The following TENM4 variants were observed in gnomAD, a reference collection of about 807,000 sequenced individuals.
The protein encoded by TENM4 is teneurin transmembrane protein 4.
Under a neutral mutation model 243.3 loss-of-function variants are expected in TENM4, and 82 were observed. The observed-to-expected ratio is 0.34, with a 90% confidence interval of 0.28 to 0.40. The LOEUF (loss-of-function observed/expected upper bound fraction) is 0.40. Ranked by LOEUF, TENM4 falls within the 10% of genes least tolerant of loss-of-function variation. The pLI is 1.00. For missense variants in TENM4, 3,138 were observed against 3,673.3 expected (o/e 0.85, Z 3.77); for synonymous variants, 1,412 against 1,456.3 (o/e 0.97, Z 0.69).
At position 78,876,994 on chromosome 11, in the gene TENM4, G is replaced by A. The variant is rs143700190; in HGVS notation, c.1084+12791C>T. On this transcript the variant is annotated intron_variant, in intron 9 of 33. Transcript: ENST00000278550. ...CTTTGCAGATGTTCTCTTGCTTAAT[G>A]CTCAAAACACCACTTAGATACTAAT... Among the ~76,000 whole-genome samples the A allele has an allele frequency of 3.9e-5, 6 of 152,304 alleles. No individual in the cohort carries two copies. The East Asian group carries it at 7.7e-4, about 20-fold the overall frequency.
At chr11:79,143,586 C>T (rs1164748489) in intron 4 of TENM4, among the ~76,000 whole-genome samples, 1 of 151,666 alleles carries the variant, frequency 6.6e-6, no homozygotes, top group African/African-American at 2.4e-5. Flanking sequence ...AAATGACGAG[C>T]TAATGGGTGC....
At chr11:79,391,989 C>G (rs1179172290) in intron 1 of TENM4, among the ~76,000 whole-genome samples, 1 of 152,070 alleles carries the variant, frequency 6.6e-6, no homozygotes, top group Non-Finnish European at 1.5e-5. Context: ...TTATTGGGAT[C>G]CAAGAAATAA....
chr11:79,252,652 G>A (rs564001), intron 2 of TENM4, among the ~76,000 whole-genome samples: 94,260 of 152,038 alleles, frequency 0.62, 30,588 homozygotes, highest in East Asian at 0.82. Flanking sequence ...CCTTCTCCTC[G>A]TGCCCTTTGC....
At chr11:79,107,541 G>A (rs547582280) in intron 4 of TENM4, among the ~76,000 whole-genome samples, 1 of 152,306 alleles carries the variant, frequency 6.6e-6, no homozygotes, top group Admixed American at 6.5e-5. Flanking sequence ...TTCCAACAGT[G>A]TCTCAATCAC....
intron 13 of TENM4, 127 bp from the exon 14 acceptor site, chr11:78,812,443 T>G: frequency 9.4e-7 from 1 of 1,064,514 alleles, no homozygotes; most frequent in Non-Finnish European, 1.4e-6. Flanking sequence ...CAAACACCCA[T>G]GTGTGCCCAT....
chr11:78,773,073 CAATT>C (rs1474802162), intron 17 of TENM4, among the ~76,000 whole-genome samples: 2 of 152,210 alleles, frequency 1.3e-5, no homozygotes, highest in Admixed American at 6.5e-5. Flanking sequence ...CTTTTTTCCT[CAATT>C]AGTCTCATGT....
chr11:78,926,077 G>T (rs1856545991), intron 6 of TENM4, among the ~76,000 whole-genome samples: 1 of 152,102 alleles, frequency 6.6e-6, no homozygotes, highest in Non-Finnish European at 1.5e-5. Flanking sequence ...AAACGAGAGA[G>T]AAGGTAGTGT....
intron 2 of TENM4, among the ~76,000 whole-genome samples, chr11:79,254,653 C>A: frequency 6.6e-6 from 1 of 152,278 alleles, no homozygotes; most frequent in Admixed American, 6.5e-5. Context: ...CCCTTGCACA[C>A]ATCAAAAATC....
At chr11:78,997,933 C>T (rs1025535876) in intron 6 of TENM4, among the ~76,000 whole-genome samples, 2 of 152,176 alleles carry the variant, frequency 1.3e-5, no homozygotes, top group Admixed American at 6.5e-5. Flanking sequence ...TTCTCTCTCT[C>T]TTCTCTCTTT....
intron 4 of TENM4, among the ~76,000 whole-genome samples, chr11:79,085,668 C>A (rs1860794431): frequency 6.6e-6 from 1 of 152,088 alleles, no homozygotes; most frequent in Non-Finnish European, 1.5e-5. Flanking sequence ...TATTTATTTG[C>A]CTTCCCCTGA....
intron 4 of TENM4, among the ~76,000 whole-genome samples, chr11:79,138,341 A>C (rs1862157479): frequency 8.2e-6 from 1 of 122,238 alleles, no homozygotes; most frequent in South Asian, 2.3e-4. Flanking sequence ...TATATATATA[A>C]TATATAAAAA....
In TENM4 at chr11:78,701,415, T is replaced by C. The variant is rs1315398553; in HGVS notation, c.5087+111A>G. 5 of 1,321,422 alleles carry C rather than the reference T, an allele frequency of 3.8e-6. No homozygotes were observed. The Middle Eastern group carries it at 6.5e-4, about 171-fold the overall frequency. 81.9% of individuals were successfully genotyped at this position (1,321,422 alleles called of 1,614,324 possible). On this transcript the variant is annotated intron_variant, in intron 28 of 33. Transcript: ENST00000278550. ...AACATGTAGAATGTATTATAAGTAA[T>C]AGTTTTTATCCCAAATCCTGAATTA...
chr11:78,787,434 G>C (rs1161612850), intron 15 of TENM4, among the ~76,000 whole-genome samples: 4 of 152,170 alleles, frequency 2.6e-5, no homozygotes, highest in African/African-American at 9.7e-5. Flanking sequence ...TTCCAAAGGG[G>C]ACCGGCATTC....
At chr11:78,830,127 C>G (rs1222761955) in intron 12 of TENM4, among the ~76,000 whole-genome samples, 1 of 152,224 alleles carries the variant, frequency 6.6e-6, no homozygotes. Context: ...TATGGACAAA[C>G]ATTTTACAGA....
At chr11:79,215,194 C>T (rs534047171) in intron 3 of TENM4, among the ~76,000 whole-genome samples, 2 of 152,292 alleles carry the variant, frequency 1.3e-5, no homozygotes, top group Non-Finnish European at 2.9e-5. Flanking sequence ...TAGCTTGAAA[C>T]ATCTTCCACT....
intron 4 of TENM4, among the ~76,000 whole-genome samples, chr11:79,126,771 G>C (rs1167027337): frequency 1.3e-5 from 2 of 152,188 alleles, no homozygotes; most frequent in African/African-American, 2.4e-5. Flanking sequence ...GGGGAGGCCA[G>C]CTCTGCTTGA....
At chr11:79,287,465 T>C (rs888833947) in intron 2 of TENM4, among the ~76,000 whole-genome samples, 7 of 152,172 alleles carry the variant, frequency 4.6e-5, no homozygotes, top group African/African-American at 1.4e-4. Context: ...AATGTAGTCC[T>C]TGAGAAAATA....
chr11:78,742,643 G>C (rs1156462241), intron 19 of TENM4, among the ~76,000 whole-genome samples: 1 of 152,198 alleles, frequency 6.6e-6, no homozygotes, highest in African/African-American at 2.4e-5. Flanking sequence ...CTTGTGCCAA[G>C]CCAAGGGTGG....
At chr11:78,672,888 G>A (rs916693145) in intron 30 of TENM4, among the ~76,000 whole-genome samples, 5 of 151,980 alleles carry the variant, frequency 3.3e-5, no homozygotes, top group Admixed American at 1.3e-4. Context: ...GTGGCCTTCT[G>A]GGGGCTCTGA....
Sources: gnomAD v4.1 joint callset for allele counts (sites outside exome capture counted in the v4.1 genomes callset) on GRCh38, gnomAD v4.1.1 for gene constraint, MANE v1.5 for transcripts, NCBI Gene and HGNC (gene_info 2026-07-23, HGNC 2026-07-21) for gene names.